BUB1: variants seen among roughly 807,000 people sequenced by gnomAD.
BUB1 encodes BUB1 mitotic checkpoint serine/threonine kinase.
Under a neutral mutation model 135.2 loss-of-function variants are expected in BUB1, and 84 were observed. That is an observed-to-expected ratio of 0.62 (90% CI 0.52 to 0.74). The LOEUF is 0.74. Among genes scored for constraint, BUB1 ranks in the 30% least tolerant of loss-of-function variants. The pLI, the probability that BUB1 is intolerant of heterozygous loss-of-function variation, is 0.00. For missense variants in BUB1, 1,162 were observed against 1,288.3 expected (o/e 0.90, Z 1.50); for synonymous variants, 403 against 434.4 (o/e 0.93, Z 0.90).
Position 110,639,855 on chromosome 2 carries a change from AG to A in BUB1, c.2956-8del, listed in dbSNP as rs763228139. The A allele has an allele frequency of 1.9e-6, 3 of 1,602,718 alleles. No homozygotes were observed. Among genetic ancestry groups the A allele is most frequent in the Non-Finnish European group, 2.6e-6 (3 of 1,169,744 alleles). Reference sequence around the variant, plus strand: ...CAACCCCAAAGTAATCGATCTATGAAGAAGATAGAGGTATATATGACTTAAA... The same window carrying A: ...CAACCCCAAAGTAATCGATCTATGAAAAGATAGAGGTATATATGACTTAAA... On this transcript the variant is annotated splice_polypyrimidine_tract_variant and splice_region_variant and intron_variant, in intron 23 of 24. Coordinates refer to ENST00000302759, the MANE Select transcript of BUB1 (RefSeq NM_004336.5).
At chr2:110,670,126 GTTTTTTTTTTTT>G (rs377459142) in intron 5 of BUB1, among the ~76,000 whole-genome samples, 5 of 120,860 alleles carry the variant, frequency 4.1e-5, no homozygotes, top group Non-Finnish European at 8.7e-5. Flanking sequence ...AATTGGATGG[GTTTTTTTTTTTT>G]TTTTTTTTTT....
Position 110,642,012 on chromosome 2 carries a change from TA to T in BUB1, c.2463+106del. ...GTTTTTGTTTTTTAATTGCCAACTGTAGATATAAATAAAAACACCACTATCT... is the reference window on the plus strand; with the variant it reads ...GTTTTTGTTTTTTAATTGCCAACTGTGATATAAATAAAAACACCACTATCT... On this transcript the variant is annotated intron_variant, in intron 20 of 24. Coordinates refer to ENST00000302759, the MANE Select transcript of BUB1 (RefSeq NM_004336.5). The T allele has an allele frequency of 6.1e-6, 6 of 988,818 alleles. No homozygotes were observed. In the South Asian group the frequency reaches 1.1e-4, roughly 17 times the overall value. The allele number at this position is 988,818 out of a possible 1,614,324, so 61.3% of individuals were successfully genotyped here.
At chr2:110,640,607 A>G (rs1689477258) in intron 23 of BUB1, among the ~76,000 whole-genome samples, 1 of 152,194 alleles carries the variant, frequency 6.6e-6, no homozygotes, top group Non-Finnish European at 1.5e-5. Context: ...ATCCTGCCTG[A>G]GAGCATCCCA....
chr2:110,661,642 A>G lies in BUB1; in HGVS notation c.1157T>C (p.Val386Ala). 1 of 1,614,182 alleles carries G rather than the reference A, an allele frequency of 6.2e-7. No individual in the cohort carries two copies. Among genetic ancestry groups the G allele is most frequent in the South Asian group, 1.1e-5 (1 of 91,086 alleles). ...PATSQSIAPPVPLKAQTVTDS... is the reference protein window; with the variant it reads ...PATSQSIAPPAPLKAQTVTDS... ...TGTTACTGTCTGGGCTTTCAAAGGA[A>G]CAGGAGGAGCAATGCTCTGGCTGGT... Residue 386 changes from valine (V) to alanine (A), a missense_variant, in exon 10 of 25, where the codon GTT (valine) becomes GCT (alanine). Val to Ala is a moderately conservative substitution (Grantham distance 64). Coordinates refer to ENST00000302759, the MANE Select transcript of BUB1 (RefSeq NM_004336.5).
At chr2:110,677,173 C>G (rs1690612937) in intron 1 of BUB1, among the ~76,000 whole-genome samples, 1 of 152,108 alleles carries the variant, frequency 6.6e-6, no homozygotes, top group East Asian at 1.9e-4. Flanking sequence ...TCTGCTTTAC[C>G]TTTAAAAAAG....
At position 110,655,838 on chromosome 2, in the gene BUB1, T is replaced by G. The variant is rs2104534282; in HGVS notation, c.1777A>C (p.Ser593Arg). Residue 593 changes from serine to arginine, a missense_variant, in exon 16 of 25, where the codon AGT (serine) becomes CGT (arginine). Physicochemically the swap from Ser to Arg is moderately radical, Grantham distance 110. Coordinates refer to ENST00000302759, the MANE Select transcript of BUB1 (RefSeq NM_004336.5). ...GTGAAGTCTCCTGGGCTCTTAGGAC[T>G]GGGTGCCAGGGTTTTGTTGCAGCGA... ...GIRCNKTLAP[S>R]PKSPGDFTSA... 2 of 1,614,042 alleles carry G rather than the reference T, an allele frequency of 1.2e-6. No individual in the cohort carries two copies. Among genetic ancestry groups the G allele is most frequent in the Non-Finnish European group, 1.7e-6 (2 of 1,179,946 alleles).
intron 1 of BUB1, chr2:110,675,232 G>A (rs1396970116): frequency 6.6e-6 from 1 of 152,208 alleles, no homozygotes; most frequent in African/African-American, 2.4e-5. Context: ...AAAGAAACAT[G>A]CAAAGTAATG....
intron 15 of BUB1, among the ~76,000 whole-genome samples, 174 bp from the exon 16 acceptor site, chr2:110,656,090 A>G (rs1374632653): frequency 6.6e-6 from 1 of 152,212 alleles, no homozygotes; most frequent in Non-Finnish European, 1.5e-5. Flanking sequence ...CCAGAACTGG[A>G]AAATCAGTGG....
intron 10 of BUB1, 76 bp from the exon 11 acceptor site, chr2:110,660,112 C>T: frequency 2.3e-6 from 3 of 1,290,208 alleles, no homozygotes; most frequent in Non-Finnish European, 2.2e-6. Flanking sequence ...TGGCTCACGC[C>T]TGTAATCCCA....
Position 110,651,262 on chromosome 2 carries a change from T to G in BUB1, c.1965-478A>C, listed in dbSNP as rs117601083. Among the ~76,000 whole-genome samples the G allele has an allele frequency of 3.4e-3, 512 of 152,288 alleles. 14 individuals carry two copies. The East Asian group carries it at 0.071, about 21-fold the overall frequency. On this transcript the variant is annotated intron_variant, in intron 17 of 24. Transcript: ENST00000302759. ...GACAGCATATGCAATGGTGGCCCCA[T>G]AGGATCATAATGGAGCCGAAAACCT...
At position 110,637,585 on chromosome 2, in the gene BUB1, AGTGTGTGTGTGT is replaced by A. The variant is rs5833370; in HGVS notation, c.*367_*378del. ...TGAAGTCCCTTGGAAATGTTAGGGA[AGTGTGTGTGTGT>A]GTGTGTGTGTGTGTGTGTGTGTGTT... is the stretch of plus-strand genomic sequence containing the variant. On this transcript the variant is annotated 3_prime_UTR_variant, in exon 25 of 25. Transcript: ENST00000302759. 6.8e-5 allele frequency: 10 copies of A among 147,562 alleles called. No homozygotes were observed. The highest frequency in any genetic ancestry group is 8.9e-5 in the Non-Finnish European group (6 of 67,316). The allele number at this position is 147,562 out of a possible 1,614,324, so 9.1% of individuals were successfully genotyped here.
intron 8 of BUB1, among the ~76,000 whole-genome samples, chr2:110,667,319 A>G (rs1690285382): frequency 6.6e-6 from 1 of 152,178 alleles, no homozygotes. Context: ...AGAAAAAAAA[A>G]GTGCAGCTTG....
intron 1 of BUB1, chr2:110,675,160 CT>C (rs1690539544): frequency 6.6e-6 from 1 of 152,140 alleles, no homozygotes; most frequent in Non-Finnish European, 1.5e-5. Flanking sequence ...TCAACTACAG[CT>C]GAAAAAAAGC....
chr2:110,656,890 G>T, intron 15 of BUB1, 146 bp downstream of exon 15: 1 of 491,362 alleles, frequency 2.0e-6, no homozygotes, highest in Non-Finnish European at 3.5e-6. Context: ...ATTAAATAAT[G>T]TCCTAAAAGA....
chr2:110,660,446 ATAG>A (rs1038280799), intron 10 of BUB1, among the ~76,000 whole-genome samples: 2 of 152,180 alleles, frequency 1.3e-5, no homozygotes, highest in Non-Finnish European at 2.9e-5. Context: ...TCAAGAAATA[ATAG>A]TAGAAAGAAA....
At chr2:110,654,848 C>T (rs1364652450) in intron 16 of BUB1, among the ~76,000 whole-genome samples, 1 of 152,134 alleles carries the variant, frequency 6.6e-6, no homozygotes, top group Non-Finnish European at 1.5e-5. Context: ...TTTGGCAGCT[C>T]TTCTATTATT....
intron 24 of BUB1, among the ~76,000 whole-genome samples, chr2:110,639,394 CAA>C (rs111453356): frequency 3.6e-4 from 42 of 118,034 alleles, no homozygotes; most frequent in Middle Eastern, 5.0e-3. Flanking sequence ...TTCCATAGAC[CAA>C]AAAAAAAAAA....
Position 110,657,041 on chromosome 2 carries a change from G to A in BUB1, c.1693C>T (p.Pro565Ser), listed in dbSNP as rs1193051493. The change falls in exon 15 of 25, where the codon CCA (proline) becomes TCA (serine). Residue 565 changes from proline to serine, a missense_variant. By Grantham distance (74) the Pro-to-Ser change is moderately conservative. Transcript: ENST00000302759. ...GATAAAACAGGTTTGTTTACCTTTG[G>A]TTTTGAAGGAAGTCTGCTGACAGAG... ...ERSVSRLPSK[P>S]KEEVPHAEEF... 1.2e-6 allele frequency: 2 copies of A among 1,612,102 alleles called. No individual in the cohort carries two copies. Among genetic ancestry groups the A allele is most frequent in the Admixed American group, 1.7e-5 (1 of 59,816 alleles).
At position 110,657,641 on chromosome 2, in the gene BUB1, A is replaced by G; in HGVS notation, c.1521T>C (p.Asn507=). 6.4e-7 allele frequency: 1 copy of G among 1,569,120 alleles called. No individual in the cohort carries two copies. Among genetic ancestry groups the G allele is most frequent in the Non-Finnish European group, 8.6e-7 (1 of 1,157,148 alleles). Residue 507 remains asparagine, a synonymous_variant, in exon 14 of 25, where the codon AAT becomes AAC. Coordinates refer to ENST00000302759, the MANE Select transcript of BUB1 (RefSeq NM_004336.5). The part of the protein sequence containing the change: ...EDAFEAQFQK[N]VRSSGAWGVN... ...CTCCCCAAGCCCCAGATGACCTTAC[A>G]TTTTCTGCAACAGAATAAAAAATAG...
Sources: allele counts gnomAD v4.1 joint callset (sites outside exome capture counted in the v4.1 genomes callset), GRCh38; gene constraint gnomAD v4.1.1; transcripts MANE v1.5; gene names NCBI Gene and HGNC (gene_info 2026-07-23, HGNC 2026-07-21).